Variants in PAK3 observed in about 807,000 individuals in gnomAD.
PAK3 encodes the protein p21 (RAC1) activated kinase 3.
In PAK3, 4 loss-of-function variants were observed where a neutral mutation model predicts 41.0. The ratio of observed to expected loss-of-function variants is 0.10; its 90% CI spans 0.05 to 0.22. The LOEUF (loss-of-function observed/expected upper bound fraction) is 0.22, where lower values mean the gene tolerates loss of function less well. Ranked by LOEUF, PAK3 falls within the 10% of genes least tolerant of loss-of-function variation. The pLI is 1.00. For synonymous variants in PAK3, 146 were observed against 139.6 expected (o/e 1.05, Z -0.32); for missense variants, 205 against 409.9 (o/e 0.50, Z 4.32).
chrX:111,114,776 T>C (rs2093433647), intron 4 of PAK3, among the ~76,000 whole-genome samples: 1 of 112,040 alleles, frequency 8.9e-6, no homozygotes, highest in African/African-American at 3.2e-5. Context: ...TACAGAGTTA[T>C]ATACATTTAT....
At chrX:111,159,013 C>G (rs1240093595) in intron 8 of PAK3, among the ~76,000 whole-genome samples, 1 of 111,603 alleles carries the variant, frequency 9.0e-6, no homozygotes, top group African/African-American at 3.3e-5. Flanking sequence ...TATACTCTCA[C>G]TTGTAGAGGT....
At chrX:111,143,862 AT>A (rs2093908409) in intron 6 of PAK3, among the ~76,000 whole-genome samples, 1 of 110,925 alleles carries the variant, frequency 9.0e-6, no homozygotes, top group African/African-American at 3.3e-5. Context: ...ATTGTGTTTT[AT>A]TGTTGTCATT....
intron 16 of PAK3, among the ~76,000 whole-genome samples, chrX:111,207,058 GTAGA>G (rs2094756656): frequency 9.5e-6 from 1 of 105,629 alleles, no homozygotes; most frequent in Admixed American, 1.0e-4. Context: ...AACCTTCAAT[GTAGA>G]TAGATATATA....
intron 1 of PAK3, among the ~76,000 whole-genome samples, chrX:110,957,086 C>G (rs975855552): frequency 2.7e-5 from 3 of 111,959 alleles, no homozygotes; most frequent in African/African-American, 9.7e-5. Flanking sequence ...ATGTTTCTGC[C>G]TTGGTTCAGA....
intron 11 of PAK3, among the ~76,000 whole-genome samples, chrX:111,178,280 A>G (rs764300914): frequency 9.0e-6 from 1 of 111,198 alleles, no homozygotes; most frequent in South Asian, 3.8e-4. Flanking sequence ...TCTGAATCCT[A>G]CAGATTATAT....
intron 1 of PAK3, among the ~76,000 whole-genome samples, chrX:110,989,366 T>A (rs2091602486): frequency 8.9e-6 from 1 of 112,557 alleles, no homozygotes; most frequent in East Asian, 2.8e-4. Context: ...AATAATCCCA[T>A]GTGTCCAGAT....
At chrX:111,201,389 G>A (rs996006429) in intron 16 of PAK3, among the ~76,000 whole-genome samples, 1 of 111,905 alleles carries the variant, frequency 8.9e-6, no homozygotes, top group African/African-American at 3.2e-5. Flanking sequence ...AGGGAGCAGC[G>A]ATTTCTTGGA....
chrX:111,169,060 C>T (rs181687184), intron 10 of PAK3, among the ~76,000 whole-genome samples: 2 of 111,496 alleles, frequency 1.8e-5, no homozygotes, highest in African/African-American at 6.5e-5. Context: ...TGCCTTAAAC[C>T]ATGGAGCATT....
chrX:110,979,676 T>G (rs2091416403), intron 1 of PAK3, among the ~76,000 whole-genome samples: 2 of 112,234 alleles, frequency 1.8e-5, no homozygotes, highest in Non-Finnish European at 3.8e-5. Flanking sequence ...TTTATGTTGT[T>G]TTTCATTTTC....
chrX:111,173,334 C>G (rs909720985), intron 11 of PAK3, among the ~76,000 whole-genome samples: 1 of 111,296 alleles, frequency 9.0e-6, no homozygotes, highest in Admixed American at 9.6e-5. Context: ...CATTTTGATC[C>G]TATGTAGTTA....
rs2094925762 is a variant in PAK3, at chrX:111,221,012, G to GC, written c.*566dup. 1 of 107,385 alleles carries GC rather than the reference G, an allele frequency of 9.3e-6. No homozygotes were observed. Among genetic ancestry groups the GC allele is most frequent in the Non-Finnish European group, 1.9e-5 (1 of 52,876 alleles). 8.8% of individuals were successfully genotyped at this position (107,385 alleles called of 1,213,427 possible). On this transcript the variant is annotated 3_prime_UTR_variant, in exon 18 of 18. Coordinates refer to ENST00000372007, the MANE Select transcript of PAK3 (RefSeq NM_002578.5). ...AAACAAGCAAACAAAAAATACCAGA[G>GC]CAAGTACTGTGTGAACATGTGGAAG...
chrX:111,079,981 A>T (rs1391028805), intron 1 of PAK3, among the ~76,000 whole-genome samples: 1 of 112,372 alleles, frequency 8.9e-6, no homozygotes, highest in Non-Finnish European at 1.9e-5. Flanking sequence ...CTTCAATCTC[A>T]TGATAAAAAT....
intron 17 of PAK3, among the ~76,000 whole-genome samples, chrX:111,219,780 G>A (rs1222101123): frequency 9.0e-6 from 1 of 111,328 alleles, no homozygotes; most frequent in Non-Finnish European, 1.9e-5. Context: ...GGAGGTAGGA[G>A]GAGGAAGTGA....
intron 1 of PAK3, among the ~76,000 whole-genome samples, chrX:111,089,142 G>A (rs2092911536): frequency 8.9e-6 from 1 of 112,100 alleles, no homozygotes; most frequent in Non-Finnish European, 1.9e-5. Context: ...ATATACTAAT[G>A]TCAGTTTCCA....
intron 8 of PAK3, among the ~76,000 whole-genome samples, chrX:111,155,244 T>TA (rs1448433931): frequency 9.0e-6 from 1 of 110,752 alleles, no homozygotes; most frequent in Admixed American, 9.6e-5. Context: ...TTCATGCCTG[T>TA]AATCCCAGCA....
rs1310239433 is a variant in PAK3, at chrX:111,216,839, G to T, written c.1545+281G>T. ...AAAAGCAATGTGACCCTCTGGTGTT[G>T]GTGTTTTGTTCTAAACTTTACTTGT... On this transcript the variant is annotated intron_variant, in intron 17 of 17. Transcript: ENST00000372007. 6 of 476,467 alleles carry T rather than the reference G, an allele frequency of 1.3e-5. No homozygotes were observed. The African/African-American group carries it at 1.3e-4, about 11-fold the overall frequency. The allele number at this position is 476,467 out of a possible 1,213,427, so 39.3% of individuals were successfully genotyped here. A position where few individuals can be genotyped will look rare whatever the true frequency, so the allele number is the denominator to read the frequency against.
intron 1 of PAK3, among the ~76,000 whole-genome samples, chrX:111,067,866 G>A (rs1004934567): frequency 2.5e-4 from 28 of 110,206 alleles, no homozygotes; most frequent in African/African-American, 8.9e-4. Flanking sequence ...TGGAGGAGCC[G>A]TCCATCTTGT....
chrX:111,085,213 G>GA (rs955497007), intron 1 of PAK3, among the ~76,000 whole-genome samples: 3 of 111,395 alleles, frequency 2.7e-5, no homozygotes, highest in Non-Finnish European at 5.7e-5. Context: ...TCCCAAGCCA[G>GA]AAAAAAATGT....
chrX:111,140,400 A>C, intron 5 of PAK3, among the ~76,000 whole-genome samples: 1 of 111,880 alleles, frequency 8.9e-6, no homozygotes, highest in South Asian at 3.8e-4. Context: ...TGAAAGAGAA[A>C]AAGTAAGAAA....
Sources: gnomAD v4.1 joint callset for allele counts (sites outside exome capture counted in the v4.1 genomes callset) on GRCh38, gnomAD v4.1.1 for gene constraint, MANE v1.5 for transcripts, NCBI Gene and HGNC (gene_info 2026-07-23, HGNC 2026-07-21) for gene names.